PIGG: variants seen among roughly 807,000 people sequenced by gnomAD.
PIGG encodes phosphatidylinositol glycan anchor biosynthesis class G (EMM blood group), also known as GPI ethanolamine phosphate transferase 2, catalytic subunit.
PIGG carries 70 observed loss-of-function variants against 83.2 expected under a neutral mutation model. The ratio of observed to expected loss-of-function variants is 0.84; its 90% CI spans 0.69 to 1.03. PIGG has a LOEUF of 1.03. Among genes scored for constraint, PIGG ranks in the 50% least tolerant of loss-of-function variants. PIGG has a pLI of 0.00. For synonymous variants in PIGG, 532 were observed against 519.5 expected, an observed-to-expected ratio of 1.02 and a Z score of -0.33; for missense variants, 1,257 against 1,233.6, an observed-to-expected ratio of 1.02 and a Z score of -0.28.
chr4:499,711 C>T (rs1553874493), intron 1 of PIGG: 2 of 1,394,442 alleles, frequency 1.4e-6, no homozygotes, highest in Admixed American at 6.4e-5. Flanking sequence ...GACCTTCCTT[C>T]CTGATCACCA....
chr4:505,815 C>A lies in PIGG; in HGVS notation c.458C>A (p.Ala153Glu). 6.2e-7 allele frequency: 1 copy of A among 1,613,044 alleles called. No individual in the cohort carries two copies. Among genetic ancestry groups the A allele is most frequent in the Non-Finnish European group, 8.5e-7 (1 of 1,179,596 alleles). Reference protein sequence around the residue: ...LEDSVIRQAKAAGKRIVFYGD... With the variant: ...LEDSVIRQAKEAGKRIVFYGD... ...GACAGTGTGATAAGACAAGCAAAAG[C>A]AGCTGGAAAAAGAATAGTCTTTTAT... The change falls in exon 3 of 13, where the codon GCA (alanine) becomes GAA (glutamate). Residue 153 changes from alanine (A) to glutamate (E), a missense_variant. Coordinates refer to ENST00000453061, the MANE Select transcript of PIGG (RefSeq NM_001127178.3).
intron 12 of PIGG, among the ~76,000 whole-genome samples, chr4:535,985 CG>C (rs1184292693): frequency 2.6e-5 from 4 of 152,220 alleles, no homozygotes; most frequent in Non-Finnish European, 5.9e-5. Context: ...ACAGGACATG[CG>C]GGCAGGGCCC....
rs1364946513 is a variant in PIGG, at chr4:499,234, G to C, written c.-102G>C. 21 of 1,284,722 alleles carry C rather than the reference G, an allele frequency of 1.6e-5. No individual in the cohort carries two copies. Among genetic ancestry groups the C allele is most frequent in the Admixed American group, 2.2e-5 (1 of 45,868 alleles). The allele number at this position is 1,284,722 out of a possible 1,614,324, so 79.6% of individuals were successfully genotyped here. On this transcript the variant is annotated 5_prime_UTR_variant, in exon 1 of 13. Coordinates refer to ENST00000453061, the MANE Select transcript of PIGG (RefSeq NM_001127178.3). ...CACTGTCGCTGCGACGATAAGGCCT[G>C]GCGTTATTGCTTAGAGGCGGCTACC... is the stretch of plus-strand genomic sequence containing the variant.
intron 6 of PIGG, among the ~76,000 whole-genome samples, chr4:517,841 G>A (rs1029940305): frequency 2.0e-5 from 3 of 152,154 alleles, no homozygotes; most frequent in Non-Finnish European, 4.4e-5. Flanking sequence ...TCAGACAATC[G>A]ACTCTGACGC....
At chr4:519,894 G>A (rs1295026542) in intron 6 of PIGG, among the ~76,000 whole-genome samples, 1 of 124,552 alleles carries the variant, frequency 8.0e-6, no homozygotes, top group Non-Finnish European at 1.7e-5. Flanking sequence ...TCACGCTCAG[G>A]GACCTGGTGC....
rs1483763867 is a variant in PIGG, at chr4:516,147, G to C, written c.1076G>C (p.Ser359Thr). 1 of 1,613,874 alleles carries C rather than the reference G, an allele frequency of 6.2e-7. No homozygotes were observed. Among genetic ancestry groups the C allele is most frequent in the African/African-American group, 1.3e-5 (1 of 74,938 alleles). The change falls in exon 6 of 13, where the codon AGT becomes ACT. Residue 359 changes from serine (S) to threonine (T), a missense_variant. Transcript: ENST00000453061. ...RFLHLNTVQL[S>T]KLLQENVPSY... is the part of the protein sequence containing the mutation. ...TTACATTTGAATACAGTGCAGCTTA[G>C]TAAACTGTTGCAAGAGAATGTGCCG...
At position 521,053 on chromosome 4, in the gene PIGG, T is replaced by G. The variant is rs780224249; in HGVS notation, c.1115-3T>G. 6.2e-7 allele frequency: 1 copy of G among 1,608,542 alleles called. No homozygotes were observed. Among genetic ancestry groups the G allele is most frequent in the South Asian group, 1.1e-5 (1 of 90,940 alleles). Reference sequence around the variant, plus strand: ...GCCTGTAACCTTTCTGTCTTCTTAATAGATCCTGGGTTTGAGCAGTTTAAA... The same window carrying G: ...GCCTGTAACCTTTCTGTCTTCTTAAGAGATCCTGGGTTTGAGCAGTTTAAA... On this transcript the variant is annotated splice_polypyrimidine_tract_variant and splice_region_variant and intron_variant, in intron 6 of 12. Coordinates refer to ENST00000453061, the MANE Select transcript of PIGG (RefSeq NM_001127178.3).
At chr4:534,013 T>TG (rs775474192) in intron 12 of PIGG, 32 bp downstream of exon 12, 2 of 1,604,466 alleles carry the variant, frequency 1.2e-6, no homozygotes, top group Non-Finnish European at 1.7e-6. Flanking sequence ...AGCACAGTTC[T>TG]GGGGGCCGGC....
At chr4:534,061 AG>A in intron 12 of PIGG, 80 bp downstream of exon 12, 1 of 1,241,610 alleles carries the variant, frequency 8.1e-7, no homozygotes, top group South Asian at 1.3e-5. Context: ...TCCAGATGCA[AG>A]GGGGTCTAAG....
At chr4:536,294 C>G (rs1730597271) in intron 12 of PIGG, 2 of 152,316 alleles carry the variant, frequency 1.3e-5, no homozygotes, top group African/African-American at 2.4e-5. Context: ...GAATCGCTCC[C>G]TGGCCAGACT....
At chr4:514,199 C>T (rs944329689) in intron 5 of PIGG, among the ~76,000 whole-genome samples, 9 of 152,204 alleles carry the variant, frequency 5.9e-5, no homozygotes, top group African/African-American at 2.2e-4. Context: ...ACTCATTTCC[C>T]TTCTCCTTTA....
intron 3 of PIGG, chr4:506,675 G>GC (rs1719822613): frequency 2.3e-6 from 1 of 428,784 alleles, no homozygotes; most frequent in Non-Finnish European, 4.8e-6. Context: ...AGATGAGCTA[G>GC]CTGAGGGGTC....
intron 8 of PIGG, 53 bp from the exon 9 acceptor site, chr4:523,406 G>A (rs1219690361): frequency 2.3e-6 from 3 of 1,277,122 alleles, no homozygotes; most frequent in Non-Finnish European, 3.4e-6. Flanking sequence ...CATGCAGCAA[G>A]ATGTGTGTCG....
In PIGG at chr4:505,703, A is replaced by G. The variant is rs2108787569; in HGVS notation, c.361-15A>G. ...TTGGATTCAGTGGCCTAATTCTTGCATTTTCTGACTGCAGGCATTGATGAC... is the reference window on the plus strand; with the variant it reads ...TTGGATTCAGTGGCCTAATTCTTGCGTTTTCTGACTGCAGGCATTGATGAC... On this transcript the variant is annotated splice_polypyrimidine_tract_variant and intron_variant, in intron 2 of 12. Transcript: ENST00000453061. 1.2e-6 allele frequency: 2 copies of G among 1,605,464 alleles called. No homozygotes were observed. The highest frequency in any genetic ancestry group is 1.7e-6 in the Non-Finnish European group (2 of 1,174,396).
chr4:533,769 T>C (rs1428311786), intron 11 of PIGG, 49 bp from the exon 12 acceptor site: 1 of 1,571,936 alleles, frequency 6.4e-7, no homozygotes, highest in African/African-American at 1.3e-5. Flanking sequence ...TCGTGGCTGT[T>C]GATGCCACGT....
intron 5 of PIGG, among the ~76,000 whole-genome samples, chr4:511,893 C>T (rs562809234): frequency 6.6e-6 from 1 of 152,268 alleles, no homozygotes; most frequent in East Asian, 1.9e-4. Flanking sequence ...TTTTTTCTTT[C>T]AGCACTTTGA....
chr4:530,291 G>T, intron 10 of PIGG, 145 bp from the exon 11 acceptor site: 1 of 631,916 alleles, frequency 1.6e-6, no homozygotes, highest in Non-Finnish European at 2.8e-6. Flanking sequence ...GACCTGGGGG[G>T]TAGGGAGGGT....
Position 527,146 on chromosome 4 carries a change from T to C in PIGG, c.2177T>C (p.Leu726Pro), listed in dbSNP as rs1408927472. The C allele has an allele frequency of 3.7e-6, 6 of 1,613,912 alleles. No individual in the cohort carries two copies. The highest frequency in any genetic ancestry group is 4.2e-6 in the Non-Finnish European group (5 of 1,179,980). Residue 726 changes from leucine to proline, a missense_variant, in exon 10 of 13, where the codon CTG (leucine) becomes CCG (proline). Transcript: ENST00000453061. Reference protein sequence around the residue: ...CSPVSKAALALGLLGVYCYRA... With the variant: ...CSPVSKAALAPGLLGVYCYRA... ...CCTGTGTCCAAGGCTGCCCTGGCGC[T>C]GGGGCTGCTGGGCGTCTACTGCTAC...
At chr4:537,004 G>A (rs1730823110) in intron 12 of PIGG, 2 of 152,192 alleles carry the variant, frequency 1.3e-5, no homozygotes, top group Admixed American at 1.3e-4. Flanking sequence ...TTTGTGTTTG[G>A]GAGGGAAAAA....
Sources: allele counts gnomAD v4.1 joint callset (sites outside exome capture counted in the v4.1 genomes callset), GRCh38; gene constraint gnomAD v4.1.1; transcripts MANE v1.5; gene names NCBI Gene and HGNC (gene_info 2026-07-23, HGNC 2026-07-21).